The following PTPN11 variants were observed in gnomAD, a reference collection of about 807,000 sequenced individuals.
The protein encoded by PTPN11 is tyrosine-protein phosphatase non-receptor type 11.
PTPN11 carries 6 observed loss-of-function variants against 78.8 expected under a neutral mutation model. That is an observed-to-expected ratio of 0.08 (90% CI 0.04 to 0.15). The LOEUF (loss-of-function observed/expected upper bound fraction) is 0.15, where lower values mean the gene tolerates loss of function less well. Ranked by LOEUF, PTPN11 falls within the 10% of genes least tolerant of loss-of-function variation. The probability of loss-of-function intolerance (pLI) is 1.00; values close to 1 mark genes in which losing one functional copy is unlikely to be tolerated. For synonymous variants in PTPN11, 221 were observed against 263.5 expected, an observed-to-expected ratio of 0.84 and a Z score of 1.56; for missense variants, 386 against 744.8, an observed-to-expected ratio of 0.52 and a Z score of 5.61.
intron 11 of PTPN11, among the ~76,000 whole-genome samples, chr12:112,487,286 C>A (rs2038692782): frequency 1.3e-5 from 2 of 152,078 alleles, no homozygotes; most frequent in South Asian, 4.1e-4. Context: ...AGGCATCTGA[C>A]ACTACGCCCG....
At position 112,446,339 on chromosome 12, in the gene PTPN11, T is replaced by C; in HGVS notation, c.78T>C (p.Asp26=). 1 of 1,614,196 alleles carries C rather than the reference T, an allele frequency of 6.2e-7. No homozygotes were observed. Among genetic ancestry groups the C allele is most frequent in the South Asian group, 1.1e-5 (1 of 91,086 alleles). Residue 26 remains aspartate, a synonymous_variant, in exon 2 of 16, where the codon GAT becomes GAC. Coordinates refer to ENST00000351677, the MANE Select transcript of PTPN11 (RefSeq NM_002834.5). The part of the protein sequence containing the change: ...AENLLLTRGV[D]GSFLARPSKS... ...ACCTACTGTTGACAAGAGGAGTTGA[T>C]GGCAGTTTTTTGGCAAGGCCTAGTA...
intron 2 of PTPN11, among the ~76,000 whole-genome samples, chr12:112,446,925 G>C (rs1016453414): frequency 6.6e-6 from 1 of 151,906 alleles, no homozygotes; most frequent in African/African-American, 2.4e-5. Context: ...GAGTGCAGTG[G>C]TACGATCACA....
rs1203506144 is a variant in PTPN11 at position 112,442,828 on chromosome 12, TTTTATATATATATATATATA to T, written c.15-3446_15-3427del. On this transcript the variant is annotated intron_variant, in intron 1 of 15. Coordinates refer to ENST00000351677, the MANE Select transcript of PTPN11 (RefSeq NM_002834.5). ...CTCTCTCTCCTCTCTCTCTCTCTCT[TTTTATATATATATATATATA>T]TATATATATATATATATATATATAT... Among the ~76,000 whole-genome samples the T allele has an allele frequency of 1.8e-4, 10 of 54,998 alleles. No individual in the cohort carries two copies. The South Asian group carries it at 4.8e-3, about 27-fold the overall frequency. The allele number at this position is 54,998 out of a possible 152,430, so 36.1% of individuals were successfully genotyped here.
intron 1 of PTPN11, among the ~76,000 whole-genome samples, chr12:112,442,876 ATAAAT>A: frequency 1.4e-5 from 1 of 70,718 alleles, no homozygotes; most frequent in Non-Finnish European, 2.5e-5. Context: ...ATATATATAT[ATAAAT>A]TATATATACA....
chr12:112,496,614 A>T (rs1330146067), intron 13 of PTPN11, among the ~76,000 whole-genome samples: 1 of 152,246 alleles, frequency 6.6e-6, no homozygotes, highest in Non-Finnish European at 1.5e-5. Context: ...CGCAGGGCTC[A>T]TTCTTGCCTT....
chr12:112,453,365 C>G lies in PTPN11; in HGVS notation c.503C>G (p.Thr168Ser), dbSNP rs2135867441. The G allele has an allele frequency of 6.2e-7, 1 of 1,614,030 alleles. No homozygotes were observed. The highest frequency in any genetic ancestry group is 8.5e-7 in the Non-Finnish European group (1 of 1,180,016). The change falls in exon 4 of 16, where the codon ACC becomes AGC. Residue 168 changes from threonine (T) to serine (S), a missense_variant. Physicochemically the swap from Thr to Ser is moderately conservative, Grantham distance 58 (BLOSUM62 1). This residue lies in a region of PTPN11 where 279 missense variants were observed against 503.3 expected (regional missense o/e 0.55). Coordinates refer to ENST00000351677, the MANE Select transcript of PTPN11 (RefSeq NM_002834.5). ...GESNDGKSKV[T>S]HVMIRCQELK... ...AGCAATGACGGCAAGTCTAAAGTGA[C>G]CCATGTTATGATTCGCTGTCAGGTA...
At chr12:112,485,438 G>A (rs1294624541) in intron 10 of PTPN11, among the ~76,000 whole-genome samples, 1 of 152,158 alleles carries the variant, frequency 6.6e-6, no homozygotes, top group African/African-American at 2.4e-5. Context: ...TAGCCATAAT[G>A]TGCTGAGTCT....
rs1445230475 is a variant in PTPN11 at position 112,477,943 on chromosome 12, C to T, written c.1020C>T (p.Asp340=). ...TQGCLQNTVN[D]FWRMVFQENS... ...GCTGCCTGCAAAACACGGTGAATGA[C>T]TTTTGGCGGATGGTGTTCCAAGAAA... The change falls in exon 9 of 16, where the codon GAC becomes GAT. Residue 340 remains aspartate (D), a synonymous_variant. Transcript: ENST00000351677. The T allele has an allele frequency of 6.2e-7, 1 of 1,614,162 alleles. No homozygotes were observed. Among genetic ancestry groups the T allele is most frequent in the Admixed American group, 1.7e-5 (1 of 60,012 alleles).
Position 112,482,012 on chromosome 12 carries a change from T to C in PTPN11, c.1093-62T>C. ...CAAGACTTGAACATTTGTTTGTTGC[T>C]TGTTTAGGCTTTTATTTCAGAGTTC... On this transcript the variant is annotated intron_variant, in intron 9 of 15. Coordinates refer to ENST00000351677, the MANE Select transcript of PTPN11 (RefSeq NM_002834.5). The surrounding 1 kb of genome is among the most constrained non-coding windows in gnomAD (Gnocchi z 4.4). The C allele has an allele frequency of 6.7e-7, 1 of 1,495,334 alleles. No homozygotes were observed. The highest frequency in any genetic ancestry group is 9.3e-7 in the Non-Finnish European group (1 of 1,076,294). 92.6% of individuals were successfully genotyped at this position (1,495,334 alleles called of 1,614,324 possible).
At chr12:112,424,489 G>GC (rs1187085200) in intron 1 of PTPN11, among the ~76,000 whole-genome samples, 1 of 152,124 alleles carries the variant, frequency 6.6e-6, no homozygotes, top group African/African-American at 2.4e-5. Flanking sequence ...ATTGTAGGAG[G>GC]CAGGAGTAGA....
chr12:112,496,962 A>G (rs1286001455), intron 13 of PTPN11, among the ~76,000 whole-genome samples: 1 of 152,142 alleles, frequency 6.6e-6, no homozygotes, highest in African/African-American at 2.4e-5. Flanking sequence ...ACCTGAGGTC[A>G]GGAGTTCGAG....
chr12:112,443,965 A>AT (rs1423613623), intron 1 of PTPN11, among the ~76,000 whole-genome samples: 2 of 150,698 alleles, frequency 1.3e-5, no homozygotes, highest in Non-Finnish European at 3.0e-5. Flanking sequence ...TAATTTTTGC[A>AT]TTTTTTGTAG....
chr12:112,487,742 T>A (rs2038697353), intron 11 of PTPN11, among the ~76,000 whole-genome samples: 1 of 152,194 alleles, frequency 6.6e-6, no homozygotes, highest in Non-Finnish European at 1.5e-5. Flanking sequence ...TTTGTTTTGT[T>A]TTTAATTTTT....
chr12:112,487,000 G>A (rs1351474453), intron 11 of PTPN11: 21 of 1,015,188 alleles, frequency 2.1e-5, no homozygotes, highest in Non-Finnish European at 2.7e-5. Context: ...AGGTGGTGGG[G>A]GTGTGGTGGA....
intron 13 of PTPN11, among the ~76,000 whole-genome samples, chr12:112,500,603 T>G (rs191024708): frequency 6.6e-6 from 1 of 152,288 alleles, no homozygotes; most frequent in East Asian, 1.9e-4. Context: ...TTTTTTATTT[T>G]TATTTTTTGA....
At position 112,454,203 on chromosome 12, in the gene PTPN11, T is replaced by C. The variant is rs146830978; in HGVS notation, c.526-361T>C. Among the ~76,000 whole-genome samples the C allele has an allele frequency of 5.2e-4, 79 of 152,272 alleles. 1 individual carries two copies. The highest frequency in any genetic ancestry group is 1.9e-3 in the African/African-American group (77 of 41,568). The stretch of plus-strand genomic sequence containing the variant: ...GAAGCACAGTTGGCTCACTGCAACC[T>C]CTGCCTCTTGGGCTCAAGTGATTCT... On this transcript the variant is annotated intron_variant, in intron 4 of 15. Coordinates refer to ENST00000351677, the MANE Select transcript of PTPN11 (RefSeq NM_002834.5).
intron 1 of PTPN11, among the ~76,000 whole-genome samples, chr12:112,422,498 C>T (rs2037537864): frequency 6.6e-6 from 1 of 152,130 alleles, no homozygotes; most frequent in East Asian, 1.9e-4. Context: ...GTTTTTGTTG[C>T]TCTGAAATCC....
At chr12:112,492,522 CTT>C (rs978811421) in intron 13 of PTPN11, among the ~76,000 whole-genome samples, 1 of 144,884 alleles carries the variant, frequency 6.9e-6, no homozygotes, top group Non-Finnish European at 1.5e-5. Flanking sequence ...TCTCATAATA[CTT>C]TTTTTTTTTT....
At chr12:112,427,579 A>G (rs549625372) in intron 1 of PTPN11, among the ~76,000 whole-genome samples, 1 of 151,462 alleles carries the variant, frequency 6.6e-6, no homozygotes, top group South Asian at 2.1e-4. Context: ...ATATATCTAT[A>G]TCTATATAGA....
Sources: allele counts gnomAD v4.1 joint callset (sites outside exome capture counted in the v4.1 genomes callset), GRCh38; gene constraint gnomAD v4.1.1; regional missense constraint gnomAD v4.1.1; non-coding constraint Gnocchi (gnomAD v3.1); transcripts MANE v1.5; gene names NCBI Gene and HGNC (gene_info 2026-07-23, HGNC 2026-07-21).